The following UVRAG variants were observed in gnomAD, a reference collection of about 807,000 sequenced individuals.
UVRAG encodes UV radiation resistance-associated gene protein.
In UVRAG, 19 loss-of-function variants were observed where a neutral mutation model predicts 78.0. That is an observed-to-expected ratio of 0.24 (90% CI 0.17 to 0.36). The LOEUF is 0.36. Ranked by LOEUF, UVRAG falls within the 10% of genes least tolerant of loss-of-function variation. The pLI is 1.00. For missense variants in UVRAG, 740 were observed against 853.8 expected, an observed-to-expected ratio of 0.87 and a Z score of 1.66; for synonymous variants, 323 against 324.6, an observed-to-expected ratio of 1.00 and a Z score of 0.05.
In UVRAG at chr11:75,828,317, G is replaced by A. The variant is rs370330231; in HGVS notation, c.117+12793G>A. Among the ~76,000 whole-genome samples, 15 of 151,846 alleles carry A rather than the reference G, an allele frequency of 9.9e-5. No homozygotes were observed. In the East Asian group the frequency reaches 2.5e-3, roughly 25 times the overall value. On this transcript the variant is annotated intron_variant, in intron 1 of 14. Coordinates refer to ENST00000356136, the MANE Select transcript of UVRAG (RefSeq NM_003369.4). ...ATAGTCATACACTTCTATCAAAAAC[G>A]TCAGTATAAATTGGGTGCCGTGCTA... is the stretch of plus-strand genomic sequence containing the variant.
intron 13 of UVRAG, among the ~76,000 whole-genome samples, chr11:76,107,675 C>T (rs966441622): frequency 1.3e-5 from 2 of 152,148 alleles, no homozygotes; most frequent in Non-Finnish European, 2.9e-5. Context: ...ATTGCAATGA[C>T]TCACTGTAAG....
intron 13 of UVRAG, among the ~76,000 whole-genome samples, chr11:76,066,462 G>T (rs1446908590): frequency 6.6e-6 from 1 of 151,994 alleles, no homozygotes; most frequent in Admixed American, 6.5e-5. Flanking sequence ...AACTTCCTTT[G>T]TTTTTTATTT....
Position 76,063,107 on chromosome 11 carries a change from T to A in UVRAG, c.1227-2603T>A, listed in dbSNP as rs184560774. Among the ~76,000 whole-genome samples, 609 of 152,238 alleles carry A rather than the reference T, an allele frequency of 4.0e-3. 3 individuals carry two copies. Among genetic ancestry groups the A allele is most frequent in the African/African-American group, 0.014 (581 of 41,544 alleles). ...AATATTTTTCACAAATAATCTTTTT[T>A]AAAAAAAATTCAACAAATATTTATT... On this transcript the variant is annotated intron_variant, in intron 12 of 14. Transcript: ENST00000356136.
chr11:76,011,392 A>G (rs911426885), intron 11 of UVRAG, among the ~76,000 whole-genome samples: 20 of 152,070 alleles, frequency 1.3e-4, no homozygotes, highest in Non-Finnish European at 2.8e-4. Context: ...GGGAGGCTGA[A>G]GTGTGCAGAT....
At chr11:75,984,893 A>C (rs1949467141) in intron 8 of UVRAG, among the ~76,000 whole-genome samples, 1 of 152,142 alleles carries the variant, frequency 6.6e-6, no homozygotes, top group Admixed American at 6.5e-5. Flanking sequence ...GGTTTCAGTA[A>C]TTTTCATTTT....
intron 13 of UVRAG, among the ~76,000 whole-genome samples, chr11:76,115,231 C>G (rs746930125): frequency 3.9e-5 from 6 of 152,200 alleles, no homozygotes; most frequent in African/African-American, 7.2e-5. Context: ...AAATTGGCCT[C>G]TACCAGAAAT....
At chr11:76,062,276 T>G (rs866268654) in intron 12 of UVRAG, among the ~76,000 whole-genome samples, 1 of 152,166 alleles carries the variant, frequency 6.6e-6, no homozygotes, top group African/African-American at 2.4e-5. Flanking sequence ...ATCAAATAAG[T>G]TAACTTAGGT....
rs180757407 is a variant in UVRAG at position 76,023,935 on chromosome 11, A to G, written c.1226+6955A>G. Among the ~76,000 whole-genome samples the G allele has an allele frequency of 3.2e-3, 486 of 152,214 alleles. 6 individuals carry two copies. The highest frequency in any genetic ancestry group is 1.1e-3 in the Non-Finnish European group (77 of 68,016). On this transcript the variant is annotated intron_variant, in intron 12 of 14. Coordinates refer to ENST00000356136, the MANE Select transcript of UVRAG (RefSeq NM_003369.4). ...CTGACATCATTTGGTTTGTTTAATG[A>G]TGAAAAACATGGCTTATAAGGGATG...
At chr11:75,948,262 A>G (rs1948619244) in intron 6 of UVRAG, among the ~76,000 whole-genome samples, 1 of 152,146 alleles carries the variant, frequency 6.6e-6, no homozygotes, top group Non-Finnish European at 1.5e-5. Flanking sequence ...TTTTTGAAGG[A>G]CGCTATTGAA....
chr11:75,925,675 G>T (rs996864973), intron 6 of UVRAG, among the ~76,000 whole-genome samples: 1 of 152,124 alleles, frequency 6.6e-6, no homozygotes, highest in Non-Finnish European at 1.5e-5. Flanking sequence ...TCTACAAAGG[G>T]CCTACACAGG....
At chr11:75,893,264 T>C (rs1947260688) in intron 5 of UVRAG, among the ~76,000 whole-genome samples, 1 of 149,846 alleles carries the variant, frequency 6.7e-6, no homozygotes, top group African/African-American at 2.5e-5. Context: ...AGAAGTGGAA[T>C]AGAAACACAA....
intron 5 of UVRAG, among the ~76,000 whole-genome samples, chr11:75,890,809 G>A (rs1947198450): frequency 6.6e-6 from 1 of 152,200 alleles, no homozygotes. Flanking sequence ...AAGACCTCCA[G>A]TTTTTAAAGT....
chr11:75,939,560 C>A (rs1467784085), intron 6 of UVRAG, among the ~76,000 whole-genome samples: 1 of 152,110 alleles, frequency 6.6e-6, no homozygotes, highest in African/African-American at 2.4e-5. Flanking sequence ...TACATAGACT[C>A]ACACATATGC....
chr11:76,136,336 G>A (rs966079272), intron 14 of UVRAG, among the ~76,000 whole-genome samples: 2 of 151,874 alleles, frequency 1.3e-5, no homozygotes, highest in African/African-American at 4.8e-5. Flanking sequence ...CAAAGGTTCA[G>A]AAACATCCTA....
chr11:75,848,030 T>TAA (rs1190960958), intron 1 of UVRAG, among the ~76,000 whole-genome samples: 89 of 130,524 alleles, frequency 6.8e-4, no homozygotes, highest in Admixed American at 8.6e-4. Context: ...ACTCTGTCTC[T>TAA]AAAAAAAAAA....
chr11:75,886,347 T>C (rs1303495719), intron 4 of UVRAG, among the ~76,000 whole-genome samples: 2 of 152,186 alleles, frequency 1.3e-5, no homozygotes, highest in Non-Finnish European at 2.9e-5. Context: ...TTGTGGACAA[T>C]TTGGAAAATT....
At chr11:76,047,915 C>A (rs1206154896) in intron 12 of UVRAG, among the ~76,000 whole-genome samples, 1 of 151,952 alleles carries the variant, frequency 6.6e-6, no homozygotes, top group East Asian at 1.9e-4. Context: ...TTGTTGGGTC[C>A]AAAAGAGGAA....
chr11:76,073,421 C>T (rs1951351657), intron 13 of UVRAG, among the ~76,000 whole-genome samples: 1 of 152,156 alleles, frequency 6.6e-6, no homozygotes, highest in African/African-American at 2.4e-5. Flanking sequence ...TAAAGGAAAT[C>T]AACTGATGAT....
chr11:75,978,205 T>C (rs1217101625), intron 7 of UVRAG, among the ~76,000 whole-genome samples: 3 of 152,276 alleles, frequency 2.0e-5, no homozygotes, highest in South Asian at 2.1e-4. Flanking sequence ...CTCCACTCTT[T>C]TGTGGCTTGT....
Sources: allele counts gnomAD v4.1 joint callset (sites outside exome capture counted in the v4.1 genomes callset), GRCh38; gene constraint gnomAD v4.1.1; transcripts MANE v1.5; gene names NCBI Gene and HGNC (gene_info 2026-07-23, HGNC 2026-07-21).